NTSR1: variants seen among roughly 807,000 people sequenced by gnomAD.
NTSR1 encodes the protein neurotensin receptor 1, also known as neurotensin receptor type 1.
A neutral mutation model predicts 31.2 loss-of-function variants in NTSR1; 29 were observed. That is an observed-to-expected ratio of 0.93 (90% confidence interval 0.69 to 1.27). The LOEUF (loss-of-function observed/expected upper bound fraction) is 1.27. NTSR1 is among the 50% of genes most tolerant of loss of function. The pLI, the probability that NTSR1 is intolerant of heterozygous loss-of-function variation, is 0.00. For synonymous variants in NTSR1, 282 were observed against 269.9 expected (o/e 1.04, Z -0.44); for missense variants, 697 against 595.4 (o/e 1.17, Z -1.78).
chr20:62,721,957 T>C (rs1988833146), intron 1 of NTSR1, among the ~76,000 whole-genome samples: 1 of 152,220 alleles, frequency 6.6e-6, no homozygotes, highest in Non-Finnish European at 1.5e-5. Flanking sequence ...GATTTACACC[T>C]GACACCTCCT....
intron 1 of NTSR1, among the ~76,000 whole-genome samples, chr20:62,737,134 C>T (rs1457093511): frequency 1.3e-5 from 2 of 152,254 alleles, no homozygotes; most frequent in Non-Finnish European, 2.9e-5. Flanking sequence ...GGCCTGGGCC[C>T]AGTCTTTCCC....
At chr20:62,751,777 G>A (rs1381692661) in intron 1 of NTSR1, among the ~76,000 whole-genome samples, 1 of 152,264 alleles carries the variant, frequency 6.6e-6, no homozygotes, top group Non-Finnish European at 1.5e-5. Flanking sequence ...CCCAGGGGAA[G>A]GAGGCGGGTG....
At chr20:62,736,614 G>A (rs1225946062) in intron 1 of NTSR1, among the ~76,000 whole-genome samples, 2 of 152,198 alleles carry the variant, frequency 1.3e-5, no homozygotes, top group African/African-American at 4.8e-5. Context: ...GGACTCCGAG[G>A]CCCTGGCCTG....
Position 62,745,473 on chromosome 20 carries a change from GAAC to G in NTSR1, c.715-9207_715-9205del. Among the ~76,000 whole-genome samples, 1 of 151,694 alleles carries G rather than the reference GAAC, an allele frequency of 6.6e-6. No individual in the cohort carries two copies. On this transcript the variant is annotated intron_variant, in intron 1 of 3. Coordinates refer to ENST00000370501, the MANE Select transcript of NTSR1 (RefSeq NM_002531.3). The surrounding 1 kb of genome is among the most constrained non-coding windows in gnomAD (Gnocchi z 4.1). ...CAGAGATACAGAGATAGAGACACAG[GAAC>G]AACAGAGACACACAGACAGAGACAG...
intron 1 of NTSR1, among the ~76,000 whole-genome samples, chr20:62,728,738 T>C (rs182833958): frequency 6.6e-6 from 1 of 152,168 alleles, no homozygotes; most frequent in Non-Finnish European, 1.5e-5. Context: ...CCAAGCAGGT[T>C]TCACGGCAGC....
At chr20:62,719,767 T>C (rs1988801317) in intron 1 of NTSR1, among the ~76,000 whole-genome samples, 2 of 152,246 alleles carry the variant, frequency 1.3e-5, no homozygotes, top group South Asian at 2.1e-4. Context: ...TGCTAGTGTT[T>C]TGCTGAGAAT....
Position 62,732,249 on chromosome 20 carries a change from T to G in NTSR1, c.714+22328T>G, listed in dbSNP as rs114156938. Among the ~76,000 whole-genome samples the G allele has an allele frequency of 8.7e-3, 1,322 of 152,306 alleles. 12 individuals carry two copies. The highest frequency in any genetic ancestry group is 0.015 in the African/African-American group (628 of 41,558). On this transcript the variant is annotated intron_variant, in intron 1 of 3. Transcript: ENST00000370501. The surrounding 1 kb of genome is among the most constrained non-coding windows in gnomAD (Gnocchi z 4.0). Reference sequence around the variant, plus strand: ...AGTGAGGATAGGGGGCCTCCCTGCCTCCTTCCCTATCTTAGGAAGAAAAGC... The same window carrying G: ...AGTGAGGATAGGGGGCCTCCCTGCCGCCTTCCCTATCTTAGGAAGAAAAGC...
chr20:62,723,658 C>CT (rs1412010589), intron 1 of NTSR1, among the ~76,000 whole-genome samples: 2 of 152,238 alleles, frequency 1.3e-5, no homozygotes, highest in African/African-American at 4.8e-5. Flanking sequence ...CTGCCCTGCC[C>CT]TGCACCCTTA....
intron 1 of NTSR1, among the ~76,000 whole-genome samples, chr20:62,710,583 T>C (rs1208144312): frequency 6.6e-6 from 1 of 152,132 alleles, no homozygotes; most frequent in Non-Finnish European, 1.5e-5. Context: ...GTTGTGAGGA[T>C]CTGCGTGTGG....
chr20:62,724,242 C>T (rs553451275), intron 1 of NTSR1, among the ~76,000 whole-genome samples: 20 of 152,314 alleles, frequency 1.3e-4, no homozygotes, highest in Non-Finnish European at 1.2e-4. Flanking sequence ...CTCAGCAGAG[C>T]CCTGGGACAG....
Position 62,760,052 on chromosome 20 carries a change from G to A in NTSR1, c.1042G>A (p.Val348Met). The change falls in exon 4 of 4, where the codon GTG becomes ATG. Residue 348 changes from valine (V) to methionine (M), a missense_variant. By Grantham distance (21) the Val-to-Met change is conservative. Transcript: ENST00000370501. ...LYDFYHYFYMVTNALFYVSST... is the reference protein window; with the variant it reads ...LYDFYHYFYMMTNALFYVSST... ...TGACTTCTACCACTACTTCTACATG[G>A]TGACCAACGCACTCTTCTACGTCAG... 1 of 1,614,014 alleles carries A rather than the reference G, an allele frequency of 6.2e-7. No individual in the cohort carries two copies. The highest frequency in any genetic ancestry group is 8.5e-7 in the Non-Finnish European group (1 of 1,179,992).
At position 62,714,224 on chromosome 20, in the gene NTSR1, G is replaced by A. The variant is rs150994166; in HGVS notation, c.714+4303G>A. Among the ~76,000 whole-genome samples, 1,435 of 152,368 alleles carry A rather than the reference G, an allele frequency of 9.4e-3. 21 individuals carry two copies. The highest frequency in any genetic ancestry group is 0.032 in the African/African-American group (1,334 of 41,594). ...GGGCAGCTCTGGCTCTGGCCGTAGC[G>A]GCCACAGTGTCCTCACCTGCAGCGC... On this transcript the variant is annotated intron_variant, in intron 1 of 3. Coordinates refer to ENST00000370501, the MANE Select transcript of NTSR1 (RefSeq NM_002531.3). The surrounding 1 kb of genome is among the most constrained non-coding windows in gnomAD (Gnocchi z 4.1).
intron 1 of NTSR1, among the ~76,000 whole-genome samples, chr20:62,748,789 T>C (rs1053522830): frequency 2.6e-5 from 4 of 151,962 alleles, no homozygotes; most frequent in African/African-American, 9.7e-5. Context: ...CATAAATAAA[T>C]GAGTTATAGG....
intron 1 of NTSR1, among the ~76,000 whole-genome samples, chr20:62,746,264 C>G (rs1368759162): frequency 6.6e-6 from 1 of 152,200 alleles, no homozygotes; most frequent in Non-Finnish European, 1.5e-5. Context: ...AGCTTAGGGT[C>G]CCTGTAGGCT....
intron 1 of NTSR1, among the ~76,000 whole-genome samples, chr20:62,738,182 A>C (rs1989139451): frequency 6.9e-6 from 1 of 145,828 alleles, no homozygotes; most frequent in South Asian, 2.1e-4. Context: ...AGGGTGATGG[A>C]GGGTGCTAGA....
intron 1 of NTSR1, among the ~76,000 whole-genome samples, chr20:62,723,386 G>A (rs1568698644): frequency 6.6e-6 from 1 of 152,196 alleles, no homozygotes; most frequent in African/African-American, 2.4e-5. Context: ...CCGCAAGTGT[G>A]TCTGGGCCGT....
rs1600716404 is a variant in NTSR1 at position 62,711,571 on chromosome 20, TCCCCCCGCTCAGATCCCCGA to T, written c.714+1651_714+1670del. Among the ~76,000 whole-genome samples the T allele has an allele frequency of 8.1e-5, 4 of 49,536 alleles. No homozygotes were observed. The highest frequency in any genetic ancestry group is 1.1e-4 in the Non-Finnish European group (3 of 26,950). 32.5% of individuals were successfully genotyped at this position (49,536 alleles called of 152,430 possible). A position where few individuals can be genotyped will look rare whatever the true frequency, so the allele number is the denominator to read the frequency against. ...CGGATCCCCCCACTCAGACCCCCGA[TCCCCCCGCTCAGATCCCCGA>T]TCCCCCCGCTCAGAACCCCGATCCC... On this transcript the variant is annotated intron_variant, in intron 1 of 3. Coordinates refer to ENST00000370501, the MANE Select transcript of NTSR1 (RefSeq NM_002531.3). This position sits in a 1 kb window ranked among gnomAD's most constrained non-coding sequence, Gnocchi z 6.4.
chr20:62,717,557 T>A (rs1373740837), intron 1 of NTSR1, among the ~76,000 whole-genome samples: 1 of 151,952 alleles, frequency 6.6e-6, no homozygotes, highest in African/African-American at 2.4e-5. Flanking sequence ...GTCTCATGAG[T>A]TAATGACATA....
chr20:62,708,895 C>T lies in NTSR1; in HGVS notation c.-313C>T. Reference sequence around the variant, plus strand: ...GCGCTGTCCTCGGGGGCCTGGGGAACCGCGCGGTTTGGAGATCGGAGGCAC... The same window carrying T: ...GCGCTGTCCTCGGGGGCCTGGGGAATCGCGCGGTTTGGAGATCGGAGGCAC... On this transcript the variant is annotated 5_prime_UTR_variant, in exon 1 of 4. Transcript: ENST00000370501. The surrounding 1 kb of genome is among the most constrained non-coding windows in gnomAD (Gnocchi z 5.9). The T allele has an allele frequency of 3.1e-6, 1 of 320,172 alleles. No homozygotes were observed. The highest frequency in any genetic ancestry group is 5.6e-6 in the Non-Finnish European group (1 of 177,022). 19.8% of individuals were successfully genotyped at this position (320,172 alleles called of 1,614,324 possible).
Sources: allele counts gnomAD v4.1 joint callset (sites outside exome capture counted in the v4.1 genomes callset), GRCh38; gene constraint gnomAD v4.1.1; non-coding constraint Gnocchi (gnomAD v3.1); transcripts MANE v1.5; gene names NCBI Gene and HGNC (gene_info 2026-07-23, HGNC 2026-07-21).